CBFB: variants seen among roughly 807,000 people sequenced by gnomAD.
CBFB encodes the protein core-binding factor subunit beta.
Under a neutral mutation model 30.4 loss-of-function variants are expected in CBFB, and 9 were observed. The observed-to-expected ratio is 0.30, with a 90% CI of 0.18 to 0.52. The LOEUF is 0.52. CBFB is among the 20% of genes least tolerant of loss of function. The pLI is 0.97. For missense variants in CBFB, 170 were observed against 244.0 expected, an observed-to-expected ratio of 0.70 and a Z score of 2.02; for synonymous variants, 94 against 84.0, an observed-to-expected ratio of 1.12 and a Z score of -0.65.
intron 3 of CBFB, among the ~76,000 whole-genome samples, chr16:67,050,888 A>G (rs1966727914): frequency 2.0e-5 from 3 of 152,240 alleles, no homozygotes; most frequent in Non-Finnish European, 4.4e-5. Flanking sequence ...AAGCACTGCC[A>G]TACTGCAGCA....
chr16:67,039,851 G>A (rs1049692903), intron 3 of CBFB, among the ~76,000 whole-genome samples: 6 of 152,134 alleles, frequency 3.9e-5, no homozygotes, highest in Admixed American at 6.5e-5. Flanking sequence ...AAACAATTGA[G>A]TGTGGCTGTG....
At position 67,072,311 on chromosome 16, in the gene CBFB, T is replaced by G. The variant is rs953014480; in HGVS notation, c.399+5513T>G. Among the ~76,000 whole-genome samples the G allele has an allele frequency of 2.6e-5, 4 of 152,214 alleles. No homozygotes were observed. In the East Asian group the frequency reaches 7.7e-4, roughly 29 times the overall value. On this transcript the variant is annotated intron_variant, in intron 4 of 5. Transcript: ENST00000412916. ...GTGCACATTACAGCAAAATAAAAGT[T>G]ATATCTTTATGCTAATCTTCTGAAC...
chr16:67,097,300 C>T (rs919353505), intron 5 of CBFB, among the ~76,000 whole-genome samples: 1 of 151,686 alleles, frequency 6.6e-6, no homozygotes, highest in Non-Finnish European at 1.5e-5. Flanking sequence ...AATCCCAGCA[C>T]TTTGGGAGGC....
At chr16:67,057,732 C>T (rs1157858965) in intron 3 of CBFB, among the ~76,000 whole-genome samples, 2 of 152,008 alleles carry the variant, frequency 1.3e-5, no homozygotes, top group African/African-American at 4.8e-5. Flanking sequence ...ACATGGTTAG[C>T]CAGTTTTTTC....
intron 4 of CBFB, 27 bp downstream of exon 4, chr16:67,066,825 C>A (rs1247940891): frequency 4.5e-6 from 6 of 1,320,922 alleles, no homozygotes; most frequent in South Asian, 1.2e-5. Flanking sequence ...CTTTATTGAG[C>A]ATGGTCCCTT....
chr16:67,094,981 G>A (rs1180899050), intron 5 of CBFB, among the ~76,000 whole-genome samples: 1 of 151,840 alleles, frequency 6.6e-6, no homozygotes, highest in Non-Finnish European at 1.5e-5. Context: ...CTTTTGAGAG[G>A]CTGAGGCAAG....
chr16:67,072,552 C>T (rs1167621897), intron 4 of CBFB, among the ~76,000 whole-genome samples: 4 of 152,030 alleles, frequency 2.6e-5, no homozygotes, highest in South Asian at 2.1e-4. Context: ...CCTCAACCTC[C>T]GCCTCCTGGG....
At chr16:67,061,693 T>A (rs745313372) in intron 3 of CBFB, among the ~76,000 whole-genome samples, 5 of 152,220 alleles carry the variant, frequency 3.3e-5, no homozygotes, top group Admixed American at 6.5e-5. Flanking sequence ...CATCTAAATA[T>A]TATTTTTAAT....
intron 3 of CBFB, among the ~76,000 whole-genome samples, chr16:67,051,317 CAT>C (rs895032852): frequency 1.5e-4 from 23 of 152,038 alleles, no homozygotes; most frequent in African/African-American, 5.3e-4. Flanking sequence ...TGTGAATTCA[CAT>C]GTGATGTGTG....
intron 3 of CBFB, among the ~76,000 whole-genome samples, chr16:67,043,294 C>CA (rs1381625921): frequency 6.6e-6 from 1 of 152,082 alleles, no homozygotes; most frequent in Admixed American, 6.6e-5. Context: ...AGAGCGGAAA[C>CA]AAAAAGCTCT....
Position 67,069,244 on chromosome 16 carries a change from C to T in CBFB, c.399+2446C>T, listed in dbSNP as rs149031901. 8.2e-4 allele frequency among the ~76,000 whole-genome samples: 124 copies of T among 152,044 alleles called. No individual in the cohort carries two copies. In the East Asian group the frequency reaches 0.022, roughly 27 times the overall value. ...AAAACGCCGAGTGTTGTGGCATATG[C>T]CTGCCATCCCAGCTTCTCAGGAGGC... On this transcript the variant is annotated intron_variant, in intron 4 of 5. Transcript: ENST00000412916.
chr16:67,042,662 C>T (rs1229990007), intron 3 of CBFB, among the ~76,000 whole-genome samples: 2 of 152,200 alleles, frequency 1.3e-5, no homozygotes, highest in Non-Finnish European at 2.9e-5. Context: ...AAGGATCTGC[C>T]TGTTGGTAGG....
chr16:67,097,882 C>T (rs141938488), intron 5 of CBFB, among the ~76,000 whole-genome samples: 243 of 152,118 alleles, frequency 1.6e-3, no homozygotes, highest in African/African-American at 5.5e-3. Context: ...GTGCTATGTT[C>T]GTACCTGTGA....
intron 4 of CBFB, among the ~76,000 whole-genome samples, chr16:67,069,348 C>T (rs1041585376): frequency 1.1e-4 from 16 of 149,424 alleles, no homozygotes. Context: ...CCAGCCTGGG[C>T]GACAGAGCAA....
chr16:67,087,719 T>C (rs977707289), intron 5 of CBFB, among the ~76,000 whole-genome samples: 1 of 152,230 alleles, frequency 6.6e-6, no homozygotes, highest in African/African-American at 2.4e-5. Flanking sequence ...TGTTTCTACT[T>C]GTTTTTTTGT....
rs1961545952 is a variant in CBFB, at chr16:67,081,252, G to A, written c.400-961G>A. On this transcript the variant is annotated intron_variant, in intron 4 of 5. Coordinates refer to ENST00000412916, the MANE Select transcript of CBFB (RefSeq NM_022845.3). ...GTTTGGTTTTTTGTTCTTGGCGATAGTTTACTGAGAATGATGATTTCCAGT... is the reference window on the plus strand; with the variant it reads ...GTTTGGTTTTTTGTTCTTGGCGATAATTTACTGAGAATGATGATTTCCAGT... 5.3e-5 allele frequency among the ~76,000 whole-genome samples: 8 copies of A among 151,112 alleles called. No homozygotes were observed. The Admixed American group carries it at 5.3e-4, about 10-fold the overall frequency.
At position 67,029,351 on chromosome 16, in the gene CBFB, G is replaced by GCGGGTGCCCGCGCAAGCCC; in HGVS notation, c.-54_-36dup. Reference sequence around the variant, plus strand: ...CAGTCGGTCAGCGCGGAGCCAGCCAGCGGGTGCCCGCGCAAGCCCCGAGCG... The same window carrying GCGGGTGCCCGCGCAAGCCC: ...CAGTCGGTCAGCGCGGAGCCAGCCAGCGGGTGCCCGCGCAAGCCCCGGGTGCCCGCGCAAGCCCCGAGCG... On this transcript the variant is annotated 5_prime_UTR_variant, in exon 1 of 6. Transcript: ENST00000412916. The GCGGGTGCCCGCGCAAGCCC allele has an allele frequency of 7.7e-7, 1 of 1,293,226 alleles. No individual in the cohort carries two copies. The allele number at this position is 1,293,226 out of a possible 1,614,324, so 80.1% of individuals were successfully genotyped here.
At chr16:67,084,033 G>A (rs1262642543) in intron 5 of CBFB, among the ~76,000 whole-genome samples, 2 of 151,724 alleles carry the variant, frequency 1.3e-5, no homozygotes, top group East Asian at 3.9e-4. Context: ...CCAGCATGGT[G>A]GCACATGCCT....
chr16:67,049,113 G>A (rs1229317242), intron 3 of CBFB, among the ~76,000 whole-genome samples: 2 of 151,824 alleles, frequency 1.3e-5, no homozygotes, highest in African/African-American at 4.8e-5. Context: ...GAGCCACCGC[G>A]CCTGGCCACT....
Sources: allele counts gnomAD v4.1 joint callset (sites outside exome capture counted in the v4.1 genomes callset), GRCh38; gene constraint gnomAD v4.1.1; transcripts MANE v1.5; gene names NCBI Gene and HGNC (gene_info 2026-07-23, HGNC 2026-07-21).